DIXDC1: variants seen among roughly 807,000 people sequenced by gnomAD.
DIXDC1 encodes the protein dixin.
In DIXDC1, 64 loss-of-function variants were observed where a neutral mutation model predicts 103.1. The ratio of observed to expected loss-of-function variants is 0.62; its 90% CI spans 0.51 to 0.76. The LOEUF (loss-of-function observed/expected upper bound fraction) is 0.76, where lower values mean the gene tolerates loss of function less well. Ranked by LOEUF, DIXDC1 falls within the 30% of genes least tolerant of loss-of-function variation. The probability of loss-of-function intolerance (pLI) is 0.00; values close to 1 mark genes in which losing one functional copy is unlikely to be tolerated. For synonymous variants in DIXDC1, 266 were observed against 298.5 expected (o/e 0.89, Z 1.12); for missense variants, 759 against 834.2 (o/e 0.91, Z 1.11).
intron 1 of DIXDC1, 54 bp downstream of exon 1, chr11:111,937,613 C>A (rs1042228463): frequency 1.3e-6 from 2 of 1,535,792 alleles, no homozygotes; most frequent in African/African-American, 2.7e-5. Flanking sequence ...CGTCTCCCGC[C>A]CAGTCTCCGG....
At chr11:111,979,047 C>G (rs1555172994) in intron 5 of DIXDC1, among the ~76,000 whole-genome samples, 2 of 152,226 alleles carry the variant, frequency 1.3e-5, no homozygotes, top group East Asian at 3.8e-4. Flanking sequence ...CCACTCCCTA[C>G]CCCTCCTGCC....
rs140987896 is a variant in DIXDC1 at position 111,982,126 on chromosome 11, A to G, written c.770-213A>G. 815 of 445,056 alleles carry G rather than the reference A, an allele frequency of 1.8e-3. 2 individuals are homozygous for G. Among genetic ancestry groups the G allele is most frequent in the Middle Eastern group, 7.6e-3 (13 of 1,718 alleles). 27.6% of individuals were successfully genotyped at this position (445,056 alleles called of 1,614,324 possible). ...TACTTCCTAAGAGTTTTAAAAGAGG[A>G]TAGATTGTTCTAGCACCAAGTGAGC... On this transcript the variant is annotated intron_variant, in intron 6 of 19. Coordinates refer to ENST00000440460, the MANE Select transcript of DIXDC1 (RefSeq NM_001037954.4).
At position 111,993,558 on chromosome 11, in the gene DIXDC1, C is replaced by T; in HGVS notation, c.1335C>T (p.Leu445=). The change falls in exon 13 of 20, where the codon CTC becomes CTT. Residue 445 remains leucine (L), a synonymous_variant. Coordinates refer to ENST00000440460, the MANE Select transcript of DIXDC1 (RefSeq NM_001037954.4). ...QQHQAKLEEA[L]RKLSDVSYHQ... is the part of the protein sequence containing the mutation. ...ACCAGGCCAAGTTAGAAGAAGCACT[C>T]CGGAAACTCTCTGATGTCAGTTACC... is the stretch of plus-strand genomic sequence containing the variant. The T allele has an allele frequency of 6.2e-7, 1 of 1,614,008 alleles. No individual in the cohort carries two copies. Among genetic ancestry groups the T allele is most frequent in the Non-Finnish European group, 8.5e-7 (1 of 1,179,888 alleles).
intron 10 of DIXDC1, among the ~76,000 whole-genome samples, chr11:111,990,435 C>T (rs185168167): frequency 5.9e-5 from 9 of 152,136 alleles, no homozygotes; most frequent in Non-Finnish European, 1.2e-4. Context: ...GTGTCTACAT[C>T]GCTTTCCCCC....
chr11:112,014,058 A>G (rs1555177467), intron 17 of DIXDC1, among the ~76,000 whole-genome samples: 1 of 152,140 alleles, frequency 6.6e-6, no homozygotes, highest in Admixed American at 6.5e-5. Flanking sequence ...GAGGGCATTA[A>G]TCTAGTCTTG....
Position 111,974,868 on chromosome 11 carries a change from G to T in DIXDC1, c.549-8G>T. ...CACCTTCCCTTTGCTGGGGTCCTTTGACTTTAGGAACAGCAGCATGGATGA... is the reference window on the plus strand; with the variant it reads ...CACCTTCCCTTTGCTGGGGTCCTTTTACTTTAGGAACAGCAGCATGGATGA... On this transcript the variant is annotated splice_region_variant and splice_polypyrimidine_tract_variant and intron_variant, in intron 4 of 19. Coordinates refer to ENST00000440460, the MANE Select transcript of DIXDC1 (RefSeq NM_001037954.4). 1.2e-6 allele frequency: 2 copies of T among 1,612,808 alleles called. No homozygotes were observed. The highest frequency in any genetic ancestry group is 2.2e-5 in the South Asian group (2 of 90,696).
chr11:111,929,762 A>AC (rs1237561973), intron 1 of DIXDC1: 1 of 1,201,622 alleles, frequency 8.3e-7, no homozygotes, highest in African/African-American at 2.5e-5. Flanking sequence ...GTTGAGCTTT[A>AC]AATTTTTTTT....
intron 1 of DIXDC1, among the ~76,000 whole-genome samples, chr11:111,949,781 C>G (rs1966716470): frequency 6.6e-6 from 1 of 152,212 alleles, no homozygotes; most frequent in Non-Finnish European, 1.5e-5. Context: ...GACCCTTCCT[C>G]CTTCCATCAC....
At chr11:112,004,166 G>A (rs898331609) in intron 17 of DIXDC1, among the ~76,000 whole-genome samples, 3 of 150,488 alleles carry the variant, frequency 2.0e-5, no homozygotes, top group Non-Finnish European at 2.9e-5. Flanking sequence ...CTAAAAATAC[G>A]TAGAACTGAT....
At chr11:111,995,796 A>C (rs1054356957) in intron 16 of DIXDC1, among the ~76,000 whole-genome samples, 4 of 152,274 alleles carry the variant, frequency 2.6e-5, no homozygotes, top group African/African-American at 9.6e-5. Flanking sequence ...CTGTGTAAAG[A>C]TTGTGGCTCT....
chr11:112,008,469 T>A (rs1861311409), intron 17 of DIXDC1, among the ~76,000 whole-genome samples: 1 of 152,204 alleles, frequency 6.6e-6, no homozygotes, highest in African/African-American at 2.4e-5. Flanking sequence ...AATAGACATC[T>A]ACAGAACTCT....
chr11:111,986,346 A>AC (rs1860489326), intron 8 of DIXDC1, among the ~76,000 whole-genome samples: 1 of 106,014 alleles, frequency 9.4e-6, no homozygotes, highest in African/African-American at 3.7e-5. Context: ...CCTGCACCCA[A>AC]CCCCCACCCC....
At chr11:112,002,008 C>T (rs1370111775) in intron 17 of DIXDC1, among the ~76,000 whole-genome samples, 2 of 152,036 alleles carry the variant, frequency 1.3e-5, no homozygotes, top group South Asian at 2.1e-4. Context: ...CTGCCCGCCT[C>T]GGCCTCCCAA....
At chr11:111,965,850 C>T (rs1207288550) in intron 2 of DIXDC1, among the ~76,000 whole-genome samples, 1 of 152,132 alleles carries the variant, frequency 6.6e-6, no homozygotes, top group Non-Finnish European at 1.5e-5. Context: ...AGAGGCTAAG[C>T]AACTTTACAA....
At chr11:112,015,239 CAA>C (rs1861550495) in intron 17 of DIXDC1, 1 of 152,170 alleles carries the variant, frequency 6.6e-6, no homozygotes, top group Non-Finnish European at 1.5e-5. Flanking sequence ...CATTTGTGTT[CAA>C]AGAGGGGACG....
chr11:111,928,904 A>G (rs587632125), intron 1 of DIXDC1, among the ~76,000 whole-genome samples: 1 of 152,264 alleles, frequency 6.6e-6, no homozygotes, highest in African/African-American at 2.4e-5. Flanking sequence ...TGGATTATAC[A>G]TGCCGGGCCA....
rs781950801 is a variant in DIXDC1 at position 111,985,250 on chromosome 11, T to A, written c.937T>A (p.Ser313Thr). 7 of 1,613,536 alleles carry A rather than the reference T, an allele frequency of 4.3e-6. No individual in the cohort carries two copies. In the South Asian group the frequency reaches 7.7e-5, roughly 18 times the overall value. The change falls in exon 8 of 20, where the codon TCC (serine) becomes ACC (threonine). Residue 313 changes from serine (S) to threonine (T), a missense_variant. Physicochemically the swap from Ser to Thr is moderately conservative, Grantham distance 58. Around this residue, in one of 3 missense-constraint regions of DIXDC1, gnomAD observed 657 missense variants for 727.5 expected, o/e 0.90. Coordinates refer to ENST00000440460, the MANE Select transcript of DIXDC1 (RefSeq NM_001037954.4). ...SGLQALLLNG[S>T]LPEDEQERPL... Reference sequence around the variant, plus strand: ...TATTCAGGCCTTACTGCTCAATGGATCCTTACCTGAAGATGAACAGGAGAG... The same window carrying A: ...TATTCAGGCCTTACTGCTCAATGGAACCTTACCTGAAGATGAACAGGAGAG...
chr11:111,941,868 A>C (rs920863687), intron 1 of DIXDC1, among the ~76,000 whole-genome samples: 5 of 151,480 alleles, frequency 3.3e-5, no homozygotes, highest in East Asian at 1.9e-4. Context: ...ACACACACAC[A>C]CACACCCACG....
At chr11:111,939,349 A>G (rs1555168599) in intron 1 of DIXDC1, among the ~76,000 whole-genome samples, 1 of 152,254 alleles carries the variant, frequency 6.6e-6, no homozygotes, top group African/African-American at 2.4e-5. Flanking sequence ...ACATAAGGGC[A>G]TAAGGGAAAA....
Sources: allele counts gnomAD v4.1 joint callset (sites outside exome capture counted in the v4.1 genomes callset), GRCh38; gene constraint gnomAD v4.1.1; regional missense constraint gnomAD v4.1.1; transcripts MANE v1.5; gene names NCBI Gene and HGNC (gene_info 2026-07-23, HGNC 2026-07-21).